Variants in CFAP92 observed in about 807,000 individuals in gnomAD.
CFAP92 encodes cilia and flagella associated protein 92 (putative), also known as uncharacterized protein CFAP92.
In CFAP92, 86 loss-of-function variants were observed where a neutral mutation model predicts 106.3. The ratio of observed to expected loss-of-function variants is 0.81; its 90% CI spans 0.68 to 0.97. The LOEUF is 0.97. CFAP92 is among the 50% of genes least tolerant of loss of function. The pLI is 0.00. For synonymous variants in CFAP92, 477 were observed against 506.4 expected, an observed-to-expected ratio of 0.94 and a Z score of 0.78; for missense variants, 1,204 against 1,283.8, an observed-to-expected ratio of 0.94 and a Z score of 0.95.
At position 128,932,957 on chromosome 3, in the gene CFAP92, C is replaced by G. The variant is rs559767534; in HGVS notation, c.2494G>C (p.Val832Leu). 1 of 1,536,126 alleles carries G rather than the reference C, an allele frequency of 6.5e-7. No individual in the cohort carries two copies. Among genetic ancestry groups the G allele is most frequent in the Non-Finnish European group, 8.7e-7 (1 of 1,146,910 alleles). ...ICYNSTTLWD[V>L]TVRDLLPSSA... is the part of the protein sequence containing the mutation. ...GAGGGCAGCAGGTCCCTCACCGTCA[C>G]GTCCCAGAGGGTGGTGCTGTTATAG... Residue 832 changes from valine to leucine, a missense_variant, in exon 12 of 16, where the codon GTG (valine) becomes CTG (leucine). Val to Leu is a conservative substitution (Grantham distance 32). Coordinates refer to ENST00000645291, the MANE Select transcript of CFAP92 (RefSeq NM_001394090.1).
chr3:128,912,793 T>A, intron 15 of CFAP92: 1 of 736,470 alleles, frequency 1.4e-6, no homozygotes, highest in South Asian at 1.4e-5. Flanking sequence ...CAGGCAGTGC[T>A]CTCTAACAGG....
In CFAP92 at chr3:128,975,766, T is replaced by C; in HGVS notation, c.1021+13A>G. On this transcript the variant is annotated intron_variant, in intron 7 of 15. Coordinates refer to ENST00000645291, the MANE Select transcript of CFAP92 (RefSeq NM_001394090.1). ...GTTATATTATAAAATTCCCAAATCCTATCCTAACTTACTTTGAGACCTTTG... is the reference window on the plus strand; with the variant it reads ...GTTATATTATAAAATTCCCAAATCCCATCCTAACTTACTTTGAGACCTTTG... 2 of 1,567,786 alleles carry C rather than the reference T, an allele frequency of 1.3e-6. No homozygotes were observed. The highest frequency in any genetic ancestry group is 1.7e-6 in the Non-Finnish European group (2 of 1,158,130).
chr3:128,953,625 C>CCTCTCCCTCTCCG (rs1559891803), intron 9 of CFAP92, among the ~76,000 whole-genome samples: 1 of 126,134 alleles, frequency 7.9e-6, no homozygotes, highest in Admixed American at 7.4e-5. Context: ...CTCTCCCTCC[C>CCTCTCCCTCTCCG]TCTCCGTCTC....
At chr3:129,010,781 G>A in the CFAP92 span, among the ~76,000 whole-genome samples, 1,329 of 152,246 alleles carry the variant, frequency 8.7e-3, 20 homozygotes, top group African/African-American at 0.03. This position sits in a 1 kb window ranked among gnomAD's most constrained non-coding sequence, Gnocchi z 4.3. Context: ...GGGTGGCCTT[G>A]GTGAGAAAAG....
chr3:129,013,460 CTCTT>C, the CFAP92 span, among the ~76,000 whole-genome samples: 4 of 152,198 alleles, frequency 2.6e-5, no homozygotes, highest in Non-Finnish European at 2.9e-5. Context: ...TACCTGGAAT[CTCTT>C]TCTTTCTATC....
Position 128,916,248 on chromosome 3 carries a change from C to G in CFAP92, c.2775G>C (p.Gln925His). 2 of 1,232,112 alleles carry G rather than the reference C, an allele frequency of 1.6e-6. No individual in the cohort carries two copies. Among genetic ancestry groups the G allele is most frequent in the African/African-American group, 1.6e-5 (1 of 64,496 alleles). 76.3% of individuals were successfully genotyped at this position (1,232,112 alleles called of 1,614,324 possible). A position where few individuals can be genotyped will look rare whatever the true frequency, so the allele number is the denominator to read the frequency against. ...FIQKNITEAYQVSKKPPKSVA... is the reference protein window; with the variant it reads ...FIQKNITEAYHVSKKPPKSVA... ...CGGACTTCGGAGGCTTCTTGCTGAC[C>G]TGGTAGGCTTCTGTGATATTTTTCT... is the stretch of plus-strand genomic sequence containing the variant. Residue 925 changes from glutamine (Q) to histidine (H), a missense_variant, in exon 13 of 16, where the codon CAG becomes CAC. Gln to His is a conservative substitution (Grantham distance 24). Coordinates refer to ENST00000645291, the MANE Select transcript of CFAP92 (RefSeq NM_001394090.1).
chr3:128,950,123 G>A (rs375869860), intron 9 of CFAP92, among the ~76,000 whole-genome samples: 12 of 152,326 alleles, frequency 7.9e-5, no homozygotes, highest in Admixed American at 4.6e-4. Context: ...CATCTGTGCC[G>A]TTCCCAAATA....
At chr3:128,988,279 G>A (rs11919171) in intron 3 of CFAP92, among the ~76,000 whole-genome samples, 45,180 of 152,024 alleles carry the variant, frequency 0.3, 7,024 homozygotes, top group East Asian at 0.56. Context: ...GGTGGCTCAC[G>A]CCTGTAATCC....
chr3:128,915,571 T>C lies in CFAP92; in HGVS notation c.2917-8A>G. 6.7e-7 allele frequency: 1 copy of C among 1,500,022 alleles called. No homozygotes were observed. Among genetic ancestry groups the C allele is most frequent in the Middle Eastern group, 1.7e-4 (1 of 5,782 alleles). The allele number at this position is 1,500,022 out of a possible 1,614,324, so 92.9% of individuals were successfully genotyped here. A position where few individuals can be genotyped will look rare whatever the true frequency, so the allele number is the denominator to read the frequency against. ...GAATCTCTTTCTTGGCTCCTAGAAA[T>C]GGGGGCAGACAGGTTGGGGTGGAAG... is the stretch of plus-strand genomic sequence containing the variant. On this transcript the variant is annotated splice_region_variant and splice_polypyrimidine_tract_variant and intron_variant, in intron 13 of 15. Transcript: ENST00000645291.
At chr3:129,024,135 A>G in the CFAP92 span, among the ~76,000 whole-genome samples, 3 of 152,236 alleles carry the variant, frequency 2.0e-5, no homozygotes, top group African/African-American at 4.8e-5. Context: ...GAGAAACACC[A>G]TAACACACCA....
chr3:128,931,965 C>T (rs954992929), intron 12 of CFAP92, among the ~76,000 whole-genome samples: 1 of 152,132 alleles, frequency 6.6e-6, no homozygotes, highest in Non-Finnish European at 1.5e-5. Context: ...CTGCAGTGAC[C>T]CATGATCAAG....
rs1172256474 is a variant in CFAP92, at chr3:128,993,275, C to T, written c.30G>A (p.Glu10=). The change falls in exon 2 of 16, where the codon GAG becomes GAA. Residue 10 remains glutamate, a synonymous_variant. Coordinates refer to ENST00000645291, the MANE Select transcript of CFAP92 (RefSeq NM_001394090.1). ...AGATGGGCTCTATGCTTGCGGGGTC[C>T]TCTTCCCACTCCCAGGCATGTAGCG... MSLHAWEWE[E]DPASIEPISS... 4.3e-6 allele frequency: 7 copies of T among 1,613,768 alleles called. No individual in the cohort carries two copies. The highest frequency in any genetic ancestry group is 3.3e-4 in the Middle Eastern group (2 of 6,062).
chr3:129,004,042 G>C, upstream of CFAP92: 1 of 1,511,382 alleles, frequency 6.6e-7, no homozygotes. Flanking sequence ...TGCAGCGCTG[G>C]GTGCGGCGGC....
rs890619805 is a variant in CFAP92 at position 128,938,554 on chromosome 3, C to T, written c.2259-3235G>A. 5.6e-4 allele frequency among the ~76,000 whole-genome samples: 84 copies of T among 150,116 alleles called. 1 individual carries two copies. The highest frequency in any genetic ancestry group is 1.1e-3 in the Non-Finnish European group (73 of 67,752). ...TGTCTCCCAGGCTGGAGTACAGTGGCGCGATCTCGGCTCACTGCAAGCTCC... is the reference window on the plus strand; with the variant it reads ...TGTCTCCCAGGCTGGAGTACAGTGGTGCGATCTCGGCTCACTGCAAGCTCC... On this transcript the variant is annotated intron_variant, in intron 10 of 15. Transcript: ENST00000645291.
At chr3:128,975,939 G>GA (rs1943128819) in intron 6 of CFAP92, 36 bp from the exon 7 acceptor site, 2 of 1,569,310 alleles carry the variant, frequency 1.3e-6, no homozygotes, top group Non-Finnish European at 8.6e-7. Context: ...TAATGAAGGT[G>GA]AAAAAAATCA....
At chr3:128,964,785 C>T (rs904556821) in intron 9 of CFAP92, among the ~76,000 whole-genome samples, 19 of 152,078 alleles carry the variant, frequency 1.2e-4, no homozygotes, top group Admixed American at 3.9e-4. Flanking sequence ...CACAAGACCT[C>T]CCTTCAGCTT....
Position 128,932,842 on chromosome 3 carries a change from G to C in CFAP92, c.2609C>G (p.Pro870Arg). The change falls in exon 12 of 16, where the codon CCT (proline) becomes CGT (arginine). Residue 870 changes from proline to arginine, a missense_variant. Pro to Arg is a moderately radical substitution (Grantham distance 103). Coordinates refer to ENST00000645291, the MANE Select transcript of CFAP92 (RefSeq NM_001394090.1). ...LTDEKLFALP[P>R]QPAPNLEDYH... ...GTCCTCAAGATTGGGGGCAGGCTGAGGTGGTAGGGCAAACAGTTTCTCATC... is the reference window on the plus strand; with the variant it reads ...GTCCTCAAGATTGGGGGCAGGCTGACGTGGTAGGGCAAACAGTTTCTCATC... The C allele has an allele frequency of 1.3e-6, 2 of 1,536,266 alleles. No individual in the cohort carries two copies. Among genetic ancestry groups the C allele is most frequent in the Non-Finnish European group, 1.7e-6 (2 of 1,146,932 alleles).
At chr3:128,941,386 A>G (rs573531949) in intron 10 of CFAP92, among the ~76,000 whole-genome samples, 15 of 152,220 alleles carry the variant, frequency 9.9e-5, no homozygotes, top group Non-Finnish European at 1.9e-4. Context: ...TTATGTCTCA[A>G]TAATTTTCAG....
At chr3:128,918,334 A>G (rs957346248) in intron 12 of CFAP92, among the ~76,000 whole-genome samples, 1 of 152,150 alleles carries the variant, frequency 6.6e-6, no homozygotes. Flanking sequence ...TTAGCTGGGC[A>G]TGGTGGCACA....
Sources: gnomAD v4.1 joint callset for allele counts (sites outside exome capture counted in the v4.1 genomes callset) on GRCh38, gnomAD v4.1.1 for gene constraint, Gnocchi (gnomAD v3.1) non-coding constraint, MANE v1.5 for transcripts, NCBI Gene and HGNC (gene_info 2026-07-23, HGNC 2026-07-21) for gene names.